CSMD1: variants seen among roughly 807,000 people sequenced by gnomAD.
CSMD1 encodes the protein CUB and sushi domain-containing protein 1.
In CSMD1, 213 loss-of-function variants were observed where a neutral mutation model predicts 417.5. The observed-to-expected ratio is 0.51, with a 90% CI of 0.46 to 0.57. CSMD1 has a LOEUF of 0.57. Ranked by LOEUF, CSMD1 falls within the 20% of genes least tolerant of loss-of-function variation. The pLI is 0.00. For synonymous variants in CSMD1, 2,862 were observed against 1,736.8 expected, an observed-to-expected ratio of 1.65 and a Z score of -16.11; for missense variants, 6,923 against 4,529.7, an observed-to-expected ratio of 1.53 and a Z score of -15.17.
At chr8:3,833,605 A>G (rs1258132316) in intron 5 of CSMD1, among the ~76,000 whole-genome samples, 1 of 152,110 alleles carries the variant, frequency 6.6e-6, no homozygotes, top group Non-Finnish European at 1.5e-5. Flanking sequence ...ACTTTGAACA[A>G]TAATTTCTTT....
chr8:4,616,281 C>A (rs537795289), intron 2 of CSMD1, among the ~76,000 whole-genome samples: 2 of 152,156 alleles, frequency 1.3e-5, no homozygotes, highest in African/African-American at 2.4e-5. Flanking sequence ...CAAGTCTACA[C>A]TGGAATTCCA....
intron 6 of CSMD1, among the ~76,000 whole-genome samples, chr8:3,747,554 G>A (rs2623721): frequency 3.3e-5 from 5 of 151,534 alleles, no homozygotes; most frequent in African/African-American, 7.3e-5. Context: ...GTTACATGTA[G>A]AGGCAGTTTG....
intron 3 of CSMD1, among the ~76,000 whole-genome samples, chr8:4,172,288 T>C (rs1246423114): frequency 2.0e-5 from 3 of 152,184 alleles, no homozygotes; most frequent in Non-Finnish European, 4.4e-5. Context: ...CCTCTTGCAA[T>C]GCAGTAACCA....
chr8:3,707,389 A>G (rs59454426), intron 7 of CSMD1, among the ~76,000 whole-genome samples: 12,371 of 152,238 alleles, frequency 0.081, 567 homozygotes, highest in African/African-American at 0.13. Flanking sequence ...GCACAGATGC[A>G]AAACACCGGG....
chr8:4,513,519 G>A (rs984916602), intron 2 of CSMD1, among the ~76,000 whole-genome samples: 3 of 152,180 alleles, frequency 2.0e-5, no homozygotes, highest in Non-Finnish European at 4.4e-5. Context: ...CTTTAAGTTA[G>A]AGAAGAACTC....
intron 52 of CSMD1, among the ~76,000 whole-genome samples, chr8:3,012,684 T>C (rs940249559): frequency 1.3e-5 from 2 of 152,214 alleles, no homozygotes; most frequent in African/African-American, 4.8e-5. Flanking sequence ...TGCTTTTGCA[T>C]AAAGTCTTAG....
chr8:4,839,900 ACCT>A (rs1157670113), intron 1 of CSMD1, among the ~76,000 whole-genome samples: 1 of 152,118 alleles, frequency 6.6e-6, no homozygotes, highest in Non-Finnish European at 1.5e-5. Context: ...GGAACAACTA[ACCT>A]CCTGCGCGTC....
Position 4,967,967 on chromosome 8 carries a change from G to A in CSMD1, c.85+26365C>T, listed in dbSNP as rs1211931257. Among the ~76,000 whole-genome samples the A allele has an allele frequency of 4.6e-5, 7 of 152,090 alleles. No homozygotes were observed. In the South Asian group the frequency reaches 6.2e-4, roughly 14 times the overall value. ...TGTATTTTTTTTTCTAAATAAAGAC[G>A]ATAGGTAGATATAACATGGTCAGAG... On this transcript the variant is annotated intron_variant, in intron 1 of 69. Transcript: ENST00000635120.
Position 2,942,613 on chromosome 8 carries a change from T to C in CSMD1, c.10403-9A>G, listed in dbSNP as rs1801958402. On this transcript the variant is annotated splice_polypyrimidine_tract_variant and intron_variant, in intron 68 of 69. Coordinates refer to ENST00000635120, the MANE Select transcript of CSMD1 (RefSeq NM_033225.6). ...ATCTGGGTTTAAAGGATCTGTAAGA[T>C]AAAGGAAATATTAAATTTGTTGTTA... The C allele has an allele frequency of 1.3e-6, 2 of 1,549,854 alleles. No homozygotes were observed. Among genetic ancestry groups the C allele is most frequent in the East Asian group, 2.4e-5 (1 of 42,222 alleles).
intron 2 of CSMD1, among the ~76,000 whole-genome samples, chr8:4,424,853 G>C (rs1290833954): frequency 7.2e-5 from 11 of 152,048 alleles, no homozygotes; most frequent in Non-Finnish European, 1.5e-5. Flanking sequence ...ACAGTACACA[G>C]AAACTCTTTG....
chr8:4,138,494 T>C (rs916297046), intron 3 of CSMD1, among the ~76,000 whole-genome samples: 7 of 152,054 alleles, frequency 4.6e-5, no homozygotes, highest in African/African-American at 7.2e-5. Context: ...TTCCATCCAC[T>C]AAAAATGTAC....
intron 37 of CSMD1, among the ~76,000 whole-genome samples, chr8:3,175,464 T>G (rs1820854103): frequency 2.1e-5 from 1 of 47,578 alleles, no homozygotes; most frequent in Admixed American, 2.8e-4. Context: ...CCTTCTTTCC[T>G]TCCTTCTTTT....
chr8:4,897,158 C>T (rs928750191), intron 1 of CSMD1, among the ~76,000 whole-genome samples: 1 of 151,972 alleles, frequency 6.6e-6, no homozygotes, highest in Non-Finnish European at 1.5e-5. Flanking sequence ...GTTATTATCT[C>T]CCGAGTGCAG....
chr8:4,542,086 G>C (rs979163102), intron 2 of CSMD1, among the ~76,000 whole-genome samples: 1 of 152,098 alleles, frequency 6.6e-6, no homozygotes, highest in African/African-American at 2.4e-5. Context: ...TTCTTACCAA[G>C]TGAAATATAT....
intron 3 of CSMD1, among the ~76,000 whole-genome samples, chr8:4,138,800 T>G (rs1321129048): frequency 2.0e-5 from 3 of 152,214 alleles, no homozygotes; most frequent in African/African-American, 7.2e-5. Context: ...TGGCTTTCAT[T>G]TAATGGTATT....
intron 5 of CSMD1, among the ~76,000 whole-genome samples, chr8:3,891,038 G>C (rs919311791): frequency 6.8e-6 from 1 of 147,228 alleles, no homozygotes; most frequent in Non-Finnish European, 1.5e-5. Context: ...CAGCTTTTTT[G>C]TTTTTTTTTT....
intron 3 of CSMD1, among the ~76,000 whole-genome samples, chr8:4,267,076 C>G (rs148920368): frequency 2.9e-5 from 3 of 103,376 alleles, no homozygotes; most frequent in African/African-American, 7.8e-5. Context: ...AATAGAGTGT[C>G]TGTTTACTTC....
chr8:3,813,087 G>C (rs968692351), intron 5 of CSMD1, among the ~76,000 whole-genome samples: 1 of 136,942 alleles, frequency 7.3e-6, no homozygotes, highest in Non-Finnish European at 1.6e-5. Flanking sequence ...TCTATTTTAA[G>C]CTAGTTTTTT....
At chr8:4,086,840 C>T (rs1800447192) in intron 3 of CSMD1, among the ~76,000 whole-genome samples, 1 of 152,108 alleles carries the variant, frequency 6.6e-6, no homozygotes, top group Admixed American at 6.5e-5. Context: ...GCATCCTTGT[C>T]AAATTTCATC....
Sources: allele counts gnomAD v4.1 joint callset (sites outside exome capture counted in the v4.1 genomes callset), GRCh38; gene constraint gnomAD v4.1.1; transcripts MANE v1.5; gene names NCBI Gene and HGNC (gene_info 2026-07-23, HGNC 2026-07-21).